BTBD9: variants seen among roughly 807,000 people sequenced by gnomAD.
BTBD9 encodes BTB/POZ domain-containing protein 9.
BTBD9 carries 49 observed loss-of-function variants against 64.3 expected under a neutral mutation model. The ratio of observed to expected loss-of-function variants is 0.76; its 90% CI spans 0.61 to 0.97. The LOEUF is 0.97. BTBD9 is among the 50% of genes least tolerant of loss of function. The pLI is 0.00. For synonymous variants in BTBD9, 260 were observed against 274.7 expected (o/e 0.95, Z 0.53); for missense variants, 598 against 762.1 (o/e 0.78, Z 2.53).
chr6:38,495,962 T>C (rs1235192258), intron 6 of BTBD9, among the ~76,000 whole-genome samples: 2 of 152,126 alleles, frequency 1.3e-5, no homozygotes, highest in Non-Finnish European at 1.5e-5. Context: ...TCAGAATCCT[T>C]TGGAGAGAAG....
intron 6 of BTBD9, among the ~76,000 whole-genome samples, chr6:38,491,238 C>T (rs962595532): frequency 6.6e-6 from 1 of 152,190 alleles, no homozygotes; most frequent in Admixed American, 6.5e-5. Context: ...GTGGAAATAC[C>T]CGCAAACACA....
chr6:38,429,280 C>T (rs1404071514), intron 6 of BTBD9, among the ~76,000 whole-genome samples: 1 of 150,918 alleles, frequency 6.6e-6, no homozygotes, highest in Non-Finnish European at 1.5e-5. Flanking sequence ...CATAGTGAGA[C>T]CCTGTCTCTA....
chr6:38,438,670 A>G (rs1684489979), intron 6 of BTBD9, among the ~76,000 whole-genome samples: 1 of 152,182 alleles, frequency 6.6e-6, no homozygotes, highest in Non-Finnish European at 1.5e-5. Context: ...TTACAAGTAT[A>G]TTTATTGAGC....
At chr6:38,526,129 G>T (rs1341381248) in intron 6 of BTBD9, among the ~76,000 whole-genome samples, 1 of 152,242 alleles carries the variant, frequency 6.6e-6, no homozygotes, top group African/African-American at 2.4e-5. Context: ...GAATGGTTTT[G>T]TGAGCCAGGC....
intron 1 of BTBD9, among the ~76,000 whole-genome samples, chr6:38,607,341 CT>C (rs1387796812): frequency 1.3e-5 from 2 of 152,020 alleles, no homozygotes; most frequent in African/African-American, 4.8e-5. Context: ...CGATATATGT[CT>C]TTCTAAAATG....
intron 6 of BTBD9, among the ~76,000 whole-genome samples, chr6:38,395,783 C>T (rs1766641736): frequency 6.7e-6 from 1 of 149,610 alleles, no homozygotes; most frequent in African/African-American, 2.5e-5. Flanking sequence ...GATCTCGGCT[C>T]ACTGCAACCT....
chr6:38,175,974 C>A (rs1046885468), intron 10 of BTBD9, among the ~76,000 whole-genome samples: 1 of 152,366 alleles, frequency 6.6e-6, no homozygotes, highest in South Asian at 2.1e-4. Flanking sequence ...AGTTTGCATA[C>A]CTGACAGCAG....
chr6:38,618,398 T>C (rs1050460825), intron 1 of BTBD9, among the ~76,000 whole-genome samples: 1 of 152,230 alleles, frequency 6.6e-6, no homozygotes, highest in Non-Finnish European at 1.5e-5. Flanking sequence ...TTTCTTTTCA[T>C]TGAAGTATAA....
At chr6:38,505,681 C>A (rs1470329826) in intron 6 of BTBD9, among the ~76,000 whole-genome samples, 1 of 151,056 alleles carries the variant, frequency 6.6e-6, no homozygotes, top group African/African-American at 2.4e-5. Flanking sequence ...AAAGAGAACT[C>A]TTGGGCTAGG....
intron 6 of BTBD9, among the ~76,000 whole-genome samples, chr6:38,367,656 A>G (rs1451612822): frequency 6.6e-6 from 1 of 152,080 alleles, no homozygotes; most frequent in Non-Finnish European, 1.5e-5. Flanking sequence ...CAGACCACAA[A>G]TGGTGCTTTC....
intron 8 of BTBD9, among the ~76,000 whole-genome samples, chr6:38,261,541 T>C (rs1217229778): frequency 6.6e-6 from 1 of 152,238 alleles, no homozygotes; most frequent in African/African-American, 2.4e-5. Context: ...CTTATTGAGC[T>C]TGAACATTTT....
At chr6:38,490,763 G>GA in intron 6 of BTBD9, among the ~76,000 whole-genome samples, 1 of 152,300 alleles carries the variant, frequency 6.6e-6, no homozygotes, top group Non-Finnish European at 1.5e-5. Context: ...TGGTAAAAAC[G>GA]AATGTCTGAC....
chr6:38,408,348 T>G lies in BTBD9; in HGVS notation c.1155-63255A>C, dbSNP rs116525682. Among the ~76,000 whole-genome samples, 958 of 135,906 alleles carry G rather than the reference T, an allele frequency of 7.0e-3. 11 individuals are homozygous for G. The highest frequency in any genetic ancestry group is 0.025 in the African/African-American group (800 of 32,122). 89.2% of individuals were successfully genotyped at this position (135,906 alleles called of 152,430 possible). On this transcript the variant is annotated intron_variant, in intron 6 of 10. Transcript: ENST00000481247. ...ACTCCAGCAACAGAGCAAGACCCTG[T>G]CTCTAAACAAAACAAAACAAAACCA...
intron 8 of BTBD9, among the ~76,000 whole-genome samples, chr6:38,276,886 A>G (rs576937941): frequency 6.6e-6 from 1 of 152,340 alleles, no homozygotes; most frequent in East Asian, 1.9e-4. Context: ...ATCTGTCACT[A>G]CAAAATAATG....
intron 6 of BTBD9, among the ~76,000 whole-genome samples, chr6:38,379,729 C>T (rs1320030578): frequency 6.6e-6 from 1 of 152,092 alleles, no homozygotes; most frequent in African/African-American, 2.4e-5. Context: ...AACAATCAAA[C>T]AAGAAGGGAA....
intron 1 of BTBD9, among the ~76,000 whole-genome samples, chr6:38,637,000 A>C (rs1778548862): frequency 6.6e-6 from 1 of 152,168 alleles, no homozygotes; most frequent in Non-Finnish European, 1.5e-5. Flanking sequence ...ATATTCAGCA[A>C]CTTTGCTTAT....
At chr6:38,248,282 T>C (rs1764278135) in intron 9 of BTBD9, among the ~76,000 whole-genome samples, 1 of 152,228 alleles carries the variant, frequency 6.6e-6, no homozygotes, top group Admixed American at 6.5e-5. Flanking sequence ...AAGTTTGTGA[T>C]AAAATTAGAA....
At chr6:38,363,289 G>A (rs1765047046) in intron 6 of BTBD9, among the ~76,000 whole-genome samples, 1 of 152,158 alleles carries the variant, frequency 6.6e-6, no homozygotes, top group Non-Finnish European at 1.5e-5. Flanking sequence ...TAGGCTGGGA[G>A]TAATGGTTCA....
chr6:38,321,584 A>C (rs924849010), intron 7 of BTBD9, among the ~76,000 whole-genome samples: 1 of 152,196 alleles, frequency 6.6e-6, no homozygotes, highest in Non-Finnish European at 1.5e-5. Flanking sequence ...CTGCCAAAGA[A>C]AACTGTTCTG....
Sources: allele counts gnomAD v4.1 joint callset (sites outside exome capture counted in the v4.1 genomes callset), GRCh38; gene constraint gnomAD v4.1.1; transcripts MANE v1.5; gene names NCBI Gene and HGNC (gene_info 2026-07-23, HGNC 2026-07-21).